NYAP2: variants seen among roughly 807,000 people sequenced by gnomAD.
The protein encoded by NYAP2 is neuronal tyrosine-phosphorylated phosphoinositide-3-kinase adapter 2.
NYAP2 carries 23 observed loss-of-function variants against 50.4 expected under a neutral mutation model. The ratio of observed to expected loss-of-function variants is 0.46; its 90% CI spans 0.33 to 0.65. The LOEUF (loss-of-function observed/expected upper bound fraction) is 0.65. Ranked by LOEUF, NYAP2 falls within the 30% of genes least tolerant of loss-of-function variation. NYAP2 has a pLI of 0.02. For missense variants in NYAP2, 885 were observed against 861.0 expected (o/e 1.03, Z -0.35); for synonymous variants, 394 against 365.2 (o/e 1.08, Z -0.90).
chr2:225,457,133 G>A (rs1481492475), intron 3 of NYAP2, among the ~76,000 whole-genome samples: 1 of 152,190 alleles, frequency 6.6e-6, no homozygotes, highest in African/African-American at 2.4e-5. Context: ...CATGTGCCAG[G>A]CACTGGTCCT....
At chr2:225,599,164 C>T (rs1692656600) in intron 5 of NYAP2, among the ~76,000 whole-genome samples, 1 of 152,080 alleles carries the variant, frequency 6.6e-6, no homozygotes, top group South Asian at 2.1e-4. Flanking sequence ...ACCCGAGTTC[C>T]CGAGTTATAT....
intron 5 of NYAP2, among the ~76,000 whole-genome samples, chr2:225,607,378 G>A (rs1692806507): frequency 6.6e-6 from 1 of 152,040 alleles, no homozygotes; most frequent in African/African-American, 2.4e-5. Flanking sequence ...TACTATGATG[G>A]GGGCAGTGGA....
intron 4 of NYAP2, among the ~76,000 whole-genome samples, chr2:225,534,847 T>TCAG (rs1691319413): frequency 6.6e-6 from 1 of 152,168 alleles, no homozygotes; most frequent in Admixed American, 6.5e-5. Context: ...CAGGGCTGAG[T>TCAG]CAGAGTAGCC....
At chr2:225,549,021 T>C (rs1042130697) in intron 4 of NYAP2, among the ~76,000 whole-genome samples, 4 of 151,954 alleles carry the variant, frequency 2.6e-5, no homozygotes, top group Non-Finnish European at 5.9e-5. Context: ...GCTGGGACTA[T>C]AGGCATGCAC....
intron 4 of NYAP2, among the ~76,000 whole-genome samples, chr2:225,571,936 C>A (rs1350865077): frequency 6.6e-6 from 1 of 152,224 alleles, no homozygotes; most frequent in East Asian, 1.9e-4. Flanking sequence ...TCTTCCACCA[C>A]ATACACTAAA....
At chr2:225,499,842 A>G (rs567976740) in intron 3 of NYAP2, among the ~76,000 whole-genome samples, 126 of 152,252 alleles carry the variant, frequency 8.3e-4, no homozygotes, top group Non-Finnish European at 1.6e-3. Flanking sequence ...GAGAGACAAG[A>G]AAAAATAGCA....
chr2:225,471,531 C>T (rs1048837449), intron 3 of NYAP2, among the ~76,000 whole-genome samples: 3 of 152,128 alleles, frequency 2.0e-5, no homozygotes, highest in African/African-American at 7.2e-5. Flanking sequence ...GGGTGGGTCA[C>T]TAAATTAGAC....
intron 2 of NYAP2, among the ~76,000 whole-genome samples, chr2:225,406,752 T>A (rs757714543): frequency 1.3e-5 from 2 of 152,006 alleles, no homozygotes. Flanking sequence ...AAATACTTTA[T>A]AATATTATTA....
intron 4 of NYAP2, among the ~76,000 whole-genome samples, chr2:225,551,584 A>G (rs1346225326): frequency 2.0e-5 from 3 of 152,226 alleles, no homozygotes; most frequent in African/African-American, 7.2e-5. Context: ...ATAGCAGAAA[A>G]GTGACACTGT....
intron 4 of NYAP2, among the ~76,000 whole-genome samples, chr2:225,581,276 A>G (rs552130457): frequency 1.3e-5 from 2 of 152,286 alleles, no homozygotes; most frequent in Admixed American, 1.3e-4. Context: ...ATATCATAAG[A>G]GATCTTAAGA....
the NYAP2 span, among the ~76,000 whole-genome samples, chr2:225,671,345 T>C: frequency 6.6e-6 from 1 of 152,178 alleles, no homozygotes; most frequent in Non-Finnish European, 1.5e-5. Flanking sequence ...TCATAGCACC[T>C]TTACCAGGGG....
chr2:225,656,368 C>T (rs947576057), downstream of NYAP2, among the ~76,000 whole-genome samples: 10 of 152,170 alleles, frequency 6.6e-5, no homozygotes, highest in African/African-American at 2.4e-4. Context: ...TACTAAGCCC[C>T]GTTCCTTTCA....
intron 2 of NYAP2, among the ~76,000 whole-genome samples, chr2:225,401,531 G>T (rs984510596): frequency 2.6e-5 from 4 of 151,980 alleles, no homozygotes; most frequent in African/African-American, 4.8e-5. Flanking sequence ...AGCCGACACT[G>T]CTTCTTCCTG....
chr2:225,664,551 A>G, the NYAP2 span, among the ~76,000 whole-genome samples: 1 of 152,088 alleles, frequency 6.6e-6, no homozygotes, highest in Non-Finnish European at 1.5e-5. Flanking sequence ...CTTACTGAGG[A>G]TGAGAGAGAA....
intron 4 of NYAP2, among the ~76,000 whole-genome samples, chr2:225,560,237 G>T (rs544268188): frequency 6.6e-6 from 1 of 151,772 alleles, no homozygotes; most frequent in Non-Finnish European, 1.5e-5. Context: ...ATGCCAATAG[G>T]CATATTATCA....
At chr2:225,703,481 T>C in the NYAP2 span, 1 of 151,764 alleles carries the variant, frequency 6.6e-6, no homozygotes, top group African/African-American at 2.4e-5. Flanking sequence ...ATTTTTGTAC[T>C]TGATTTTTTT....
chr2:225,468,308 T>C (rs1184183157), intron 3 of NYAP2, among the ~76,000 whole-genome samples: 1 of 152,028 alleles, frequency 6.6e-6, no homozygotes, highest in Non-Finnish European at 1.5e-5. Flanking sequence ...GAGATTGGAA[T>C]GATGTGTTGA....
chr2:225,605,443 G>A (rs946846969), intron 5 of NYAP2, among the ~76,000 whole-genome samples: 2 of 152,108 alleles, frequency 1.3e-5, no homozygotes, highest in Non-Finnish European at 2.9e-5. Context: ...ACCTCCTAAT[G>A]ATTGTTTGTC....
intron 3 of NYAP2, among the ~76,000 whole-genome samples, chr2:225,477,822 T>C (rs1171080166): frequency 2.0e-5 from 3 of 152,120 alleles, no homozygotes; most frequent in African/African-American, 7.2e-5. Context: ...CCCCTCCATG[T>C]ACTCAAACAA....
Sources: gnomAD v4.1 joint callset for allele counts (sites outside exome capture counted in the v4.1 genomes callset) on GRCh38, gnomAD v4.1.1 for gene constraint, MANE v1.5 for transcripts, NCBI Gene and HGNC (gene_info 2026-07-23, HGNC 2026-07-21) for gene names.